Variants in CCDC170 observed in about 807,000 individuals in gnomAD.
The protein encoded by CCDC170 is coiled-coil domain containing 170, also known as coiled-coil domain-containing protein 170.
A neutral mutation model predicts 72.6 loss-of-function variants in CCDC170; 69 were observed. The observed-to-expected ratio is 0.95, with a 90% confidence interval of 0.78 to 1.16. The LOEUF (loss-of-function observed/expected upper bound fraction) is 1.16. Ranked by LOEUF, CCDC170 falls within the 50% of genes most tolerant of loss-of-function variation. The pLI, the probability that CCDC170 is intolerant of heterozygous loss-of-function variation, is 0.00. For missense variants in CCDC170, 852 were observed against 832.5 expected, an observed-to-expected ratio of 1.02 and a Z score of -0.29; for synonymous variants, 300 against 303.9, an observed-to-expected ratio of 0.99 and a Z score of 0.13.
At chr6:151,590,687 C>T (rs115483420) in intron 7 of CCDC170, among the ~76,000 whole-genome samples, 1 of 152,186 alleles carries the variant, frequency 6.6e-6, no homozygotes, top group Non-Finnish European at 1.5e-5. Flanking sequence ...TTTCTAGTAA[C>T]CTTAATCTTT....
intron 1 of CCDC170, among the ~76,000 whole-genome samples, chr6:151,533,105 G>A (rs922112295): frequency 4.0e-5 from 6 of 148,516 alleles, no homozygotes; most frequent in Non-Finnish European, 7.4e-5. Context: ...CCAGGTTGGA[G>A]TGCAGTGGCA....
chr6:151,505,349 A>G (rs1782050990), intron 1 of CCDC170, among the ~76,000 whole-genome samples: 1 of 152,158 alleles, frequency 6.6e-6, no homozygotes, highest in African/African-American at 2.4e-5. Context: ...TCAGGTGGGA[A>G]AATGGGTCCC....
chr6:151,540,273 T>A (rs1486629028), intron 3 of CCDC170, among the ~76,000 whole-genome samples: 2 of 150,552 alleles, frequency 1.3e-5, no homozygotes, highest in Admixed American at 6.7e-5. Context: ...TCTTGCTGTA[T>A]CCTCACACGG....
At chr6:151,537,172 G>C (rs1200776734) in intron 2 of CCDC170, among the ~76,000 whole-genome samples, 1 of 152,190 alleles carries the variant, frequency 6.6e-6, no homozygotes, top group Admixed American at 6.5e-5. Flanking sequence ...CTAGGAAGAA[G>C]AGTGGGATCC....
chr6:151,586,134 G>A, intron 7 of CCDC170, 45 bp downstream of exon 7: 15 of 1,577,480 alleles, frequency 9.5e-6, no homozygotes, highest in Non-Finnish European at 1.2e-5. Context: ...ATCTGTTGTA[G>A]TATAAAATTT....
rs560381062 is a variant in CCDC170, at chr6:151,563,326, A to G, written c.775-9848A>G. ...AGTGGGGTGGAGATGACCGCTCTCTACATATCTTCCCTGGCTATGGGACTG... is the reference window on the plus strand; with the variant it reads ...AGTGGGGTGGAGATGACCGCTCTCTGCATATCTTCCCTGGCTATGGGACTG... On this transcript the variant is annotated intron_variant, in intron 5 of 10. Transcript: ENST00000239374. Among the ~76,000 whole-genome samples the G allele has an allele frequency of 5.3e-5, 8 of 152,282 alleles. No individual in the cohort carries two copies. In the South Asian group the frequency reaches 1.7e-3, roughly 32 times the overall value.
At chr6:151,599,535 T>G (rs962419054) in intron 9 of CCDC170, among the ~76,000 whole-genome samples, 20 of 152,088 alleles carry the variant, frequency 1.3e-4, no homozygotes, top group Admixed American at 4.6e-4. Flanking sequence ...AGCTGAGCAG[T>G]GGACAGGGGC....
At chr6:151,608,948 A>C (rs1232745458) in intron 9 of CCDC170, among the ~76,000 whole-genome samples, 3 of 152,178 alleles carry the variant, frequency 2.0e-5, no homozygotes, top group South Asian at 4.1e-4. Context: ...GGTGTCCATG[A>C]TATGACTGTG....
intron 1 of CCDC170, among the ~76,000 whole-genome samples, chr6:151,521,272 A>T (rs1173666880): frequency 1.2e-4 from 19 of 152,188 alleles, no homozygotes; most frequent in Admixed American, 1.2e-3. Flanking sequence ...GAGTCTACCT[A>T]TGCCTGTCCC....
At position 151,533,220 on chromosome 6, in the gene CCDC170, A is replaced by AT. The variant is rs1173270349; in HGVS notation, c.58-3089dup. Among the ~76,000 whole-genome samples the AT allele has an allele frequency of 1.0e-3, 155 of 151,090 alleles. 1 individual carries two copies. The highest frequency in any genetic ancestry group is 3.2e-3 in the African/African-American group (130 of 41,216). ...AGGCGCCCGCCACCACACCCGGCTAATTTTTTTTTATTTTTAGTAGAGACG... is the reference window on the plus strand; with the variant it reads ...AGGCGCCCGCCACCACACCCGGCTAATTTTTTTTTTATTTTTAGTAGAGACG... On this transcript the variant is annotated intron_variant, in intron 1 of 10. Transcript: ENST00000239374.
At chr6:151,545,834 A>G (rs1368563311) in intron 4 of CCDC170, among the ~76,000 whole-genome samples, 1 of 151,882 alleles carries the variant, frequency 6.6e-6, no homozygotes, top group South Asian at 2.1e-4. Flanking sequence ...AGGTCTTCCT[A>G]TGTTGTCCAG....
At chr6:151,582,356 A>T (rs543813592) in intron 6 of CCDC170, among the ~76,000 whole-genome samples, 120 of 152,248 alleles carry the variant, frequency 7.9e-4, no homozygotes, top group Middle Eastern at 3.4e-3. Flanking sequence ...TCATGAATCA[A>T]TCTCTACTAG....
At chr6:151,567,609 A>G (rs1776156463) in intron 5 of CCDC170, among the ~76,000 whole-genome samples, 1 of 152,216 alleles carries the variant, frequency 6.6e-6, no homozygotes, top group Non-Finnish European at 1.5e-5. Context: ...GTAAAGGTAT[A>G]GTTATGTTTA....
chr6:151,529,425 G>A (rs1782460531), intron 1 of CCDC170, among the ~76,000 whole-genome samples: 1 of 152,182 alleles, frequency 6.6e-6, no homozygotes, highest in African/African-American at 2.4e-5. Context: ...TTGGGAGGCT[G>A]TGGTGGGAGG....
intron 1 of CCDC170, among the ~76,000 whole-genome samples, chr6:151,521,484 G>C (rs1207451714): frequency 6.6e-6 from 1 of 152,170 alleles, no homozygotes; most frequent in African/African-American, 2.4e-5. Context: ...CTCCATCTTG[G>C]ATAGGGATTG....
chr6:151,582,986 C>CTTTTTTTTTTT (rs35947074), intron 6 of CCDC170, among the ~76,000 whole-genome samples: 4 of 94,234 alleles, frequency 4.2e-5, no homozygotes. Context: ...TGGAGTAGCA[C>CTTTTTTTTTTT]TTTTTTTTTT....
At position 151,586,027 on chromosome 6, in the gene CCDC170, C is replaced by T; in HGVS notation, c.1231C>T (p.Leu411=). 3.1e-6 allele frequency: 5 copies of T among 1,614,182 alleles called. No individual in the cohort carries two copies. The East Asian group carries it at 1.1e-4, about 36-fold the overall frequency. ...LETLQGQLTH[L]EAELVSGGVL... is the part of the protein sequence containing the mutation. ...GACTCTTCAGGGTCAGCTGACACAC[C>T]TGGAGGCAGAGCTGGTTTCTGGAGG... The change falls in exon 7 of 11, where the codon CTG becomes TTG. Residue 411 remains leucine (L), a synonymous_variant. Coordinates refer to ENST00000239374, the MANE Select transcript of CCDC170 (RefSeq NM_025059.4).
At chr6:151,545,093 G>A (rs1460915726) in intron 4 of CCDC170, among the ~76,000 whole-genome samples, 3 of 152,108 alleles carry the variant, frequency 2.0e-5, no homozygotes, top group African/African-American at 7.2e-5. Context: ...CTGATTGAGT[G>A]TGAGATCTAA....
In CCDC170 at chr6:151,586,638, T is replaced by C. The variant is rs984807066; in HGVS notation, c.1293+549T>C. On this transcript the variant is annotated intron_variant, in intron 7 of 10. Coordinates refer to ENST00000239374, the MANE Select transcript of CCDC170 (RefSeq NM_025059.4). The stretch of plus-strand genomic sequence containing the variant: ...CGCAAAATGGTGAATCCTCCATGGC[T>C]GGAACATGTTATTCTCGGTGGATCT... 5.3e-5 allele frequency among the ~76,000 whole-genome samples: 8 copies of C among 151,894 alleles called. No individual in the cohort carries two copies. The South Asian group carries it at 1.7e-3, about 32-fold the overall frequency.
Sources: gnomAD v4.1 joint callset for allele counts (sites outside exome capture counted in the v4.1 genomes callset) on GRCh38, gnomAD v4.1.1 for gene constraint, MANE v1.5 for transcripts, NCBI Gene and HGNC (gene_info 2026-07-23, HGNC 2026-07-21) for gene names.